Variants in PACS2 observed in about 807,000 individuals in gnomAD.
PACS2 encodes the protein phosphofurin acidic cluster sorting protein 2.
PACS2 carries 36 observed loss-of-function variants against 113.0 expected under a neutral mutation model. That is an observed-to-expected ratio of 0.32 (90% CI 0.24 to 0.42). PACS2 has a LOEUF of 0.42. Ranked by LOEUF, PACS2 falls within the 10% of genes least tolerant of loss-of-function variation. The probability of loss-of-function intolerance (pLI) is 1.00; values close to 1 mark genes in which losing one functional copy is unlikely to be tolerated. For synonymous variants in PACS2, 589 were observed against 536.1 expected (o/e 1.10, Z -1.36); for missense variants, 1,015 against 1,239.5 (o/e 0.82, Z 2.72).
chr14:105,308,521 C>T (rs1055252020), intron 1 of PACS2, among the ~76,000 whole-genome samples: 7 of 137,098 alleles, frequency 5.1e-5, no homozygotes, highest in African/African-American at 1.4e-4. Flanking sequence ...CTTGCTCTGT[C>T]GTCCGGGCTG....
In PACS2 at chr14:105,347,899, C is replaced by G. The variant is rs587733213; in HGVS notation, c.120-594C>G. Reference sequence around the variant, plus strand: ...AGAGTGGAGGGTAGGGTCTACACCCCTCCACTCCTCAGCAACAGAGCCCTG... The same window carrying G: ...AGAGTGGAGGGTAGGGTCTACACCCGTCCACTCCTCAGCAACAGAGCCCTG... On this transcript the variant is annotated intron_variant, in intron 1 of 24. Coordinates refer to ENST00000447393, the MANE Select transcript of PACS2 (RefSeq NM_001100913.3). Among the ~76,000 whole-genome samples, 10 of 152,182 alleles carry G rather than the reference C, an allele frequency of 6.6e-5. No individual in the cohort carries two copies. The South Asian group carries it at 2.1e-3, about 32-fold the overall frequency.
chr14:105,338,694 G>A (rs782732178), intron 1 of PACS2, among the ~76,000 whole-genome samples: 1 of 152,186 alleles, frequency 6.6e-6, no homozygotes, highest in Non-Finnish European at 1.5e-5. Context: ...TGTGACCTGC[G>A]TGACTGACCC....
intron 3 of PACS2, among the ~76,000 whole-genome samples, chr14:105,353,003 TC>T (rs2060271353): frequency 5.9e-5 from 1 of 16,850 alleles, no homozygotes; most frequent in African/African-American, 2.4e-4. Flanking sequence ...ACGGGCCCCC[TC>T]ATCACTGTCC....
intron 3 of PACS2, among the ~76,000 whole-genome samples, chr14:105,352,783 C>CT (rs2060246801): frequency 3.0e-5 from 4 of 132,656 alleles, no homozygotes; most frequent in Admixed American, 7.4e-5. Flanking sequence ...CAGGCCCTCC[C>CT]CATCACTGTT....
chr14:105,328,219 A>G (rs12101178), intron 1 of PACS2, among the ~76,000 whole-genome samples: 11,550 of 152,282 alleles, frequency 0.076, 1,496 homozygotes, highest in African/African-American at 0.26. Flanking sequence ...GGCTTATGCC[A>G]CACCCCCTGC....
rs372287094 is a variant in PACS2, at chr14:105,383,536, G to A, written c.1780+23G>A. The A allele has an allele frequency of 3.2e-6, 5 of 1,561,366 alleles. No individual in the cohort carries two copies. In the African/African-American group the frequency reaches 6.7e-5, roughly 21 times the overall value. On this transcript the variant is annotated intron_variant, in intron 16 of 24. Transcript: ENST00000447393. ...TGGGTGAGCACCACGCCGTCCACCT[G>A]GGCCTGGGCACAGATGCCACGGGCA... is the stretch of plus-strand genomic sequence containing the variant.
chr14:105,394,618 G>A lies in PACS2; in HGVS notation c.2661G>A (p.Ser887=), dbSNP rs782114007. ...KFFQLAAQWS[S]HVKHFPICIF... ...TCCAGCTGGCCGCGCAGTGGTCCTC[G>A]CACGTGAAGCACTTCCCCATCTGCA... The change falls in exon 25 of 25, where the codon TCG becomes TCA. Residue 887 remains serine (S), a synonymous_variant. Transcript: ENST00000447393. 1.4e-5 allele frequency: 22 copies of A among 1,613,444 alleles called. No individual in the cohort carries two copies. The East Asian group carries it at 2.0e-4, about 15-fold the overall frequency.
chr14:105,368,360 C>T, intron 6 of PACS2, 99 bp from the exon 7 acceptor site: 1 of 964,238 alleles, frequency 1.0e-6, no homozygotes, highest in Non-Finnish European at 1.7e-6. Context: ...GGTGGGCTCT[C>T]AGTGCCGGGC....
At chr14:105,334,597 C>G (rs2059436834) in intron 1 of PACS2, among the ~76,000 whole-genome samples, 1 of 152,148 alleles carries the variant, frequency 6.6e-6, no homozygotes, top group Admixed American at 6.5e-5. Flanking sequence ...AGAGCTCCAC[C>G]TGAGGCCCAG....
Position 105,305,946 on chromosome 14 carries a change from G to A in PACS2, c.-83+4967G>A, listed in dbSNP as rs141402842. On this transcript the variant is annotated intron_variant, in intron 1 of 23. Coordinates refer to the PACS2 transcript ENST00000430725. Reference sequence around the variant, plus strand: ...ACGCTGGAAACGTGCAGTGATCTCCGCTCTGGCTGTAAACAGGGAGAGGCT... The same window carrying A: ...ACGCTGGAAACGTGCAGTGATCTCCACTCTGGCTGTAAACAGGGAGAGGCT... Among the ~76,000 whole-genome samples, 22 of 152,382 alleles carry A rather than the reference G, an allele frequency of 1.4e-4. 1 individual carries two copies. The highest frequency in any genetic ancestry group is 5.0e-4 in the African/African-American group (21 of 41,600).
Position 105,324,163 on chromosome 14 carries a change from C to T in PACS2, c.119+9126C>T, listed in dbSNP as rs587653943. Reference sequence around the variant, plus strand: ...CTCTCTGCCCAGCATTCTCAGCATGCGTCTCAGGAAGGTTTGATGGAGTGG... The same window carrying T: ...CTCTCTGCCCAGCATTCTCAGCATGTGTCTCAGGAAGGTTTGATGGAGTGG... On this transcript the variant is annotated intron_variant, in intron 1 of 24. Transcript: ENST00000447393. This position sits in a 1 kb window ranked among gnomAD's most constrained non-coding sequence, Gnocchi z 4.7. Among the ~76,000 whole-genome samples, 7 of 152,288 alleles carry T rather than the reference C, an allele frequency of 4.6e-5. No homozygotes were observed. Among genetic ancestry groups the T allele is most frequent in the South Asian group, 4.1e-4 (2 of 4,828 alleles).
In PACS2 at chr14:105,392,743, A is replaced by G; in HGVS notation, c.2380A>G (p.Thr794Ala). The G allele has an allele frequency of 6.2e-7, 1 of 1,612,662 alleles. No individual in the cohort carries two copies. Among genetic ancestry groups the G allele is most frequent in the Non-Finnish European group, 8.5e-7 (1 of 1,179,984 alleles). ...TGTCACCAAAAACACGCTCAAGTGC[A>G]CTTTCCGGTCCCTCCAGGTCAGCAG... is the stretch of plus-strand genomic sequence containing the variant. ...LPVTKNTLKC[T>A]FRSLQVSRLP... Residue 794 changes from threonine (T) to alanine (A), a missense_variant, in exon 23 of 25, where the codon ACT becomes GCT. Physicochemically the swap from Thr to Ala is moderately conservative, Grantham distance 58 (BLOSUM62 0). This residue lies in a region of PACS2 where 859 missense variants were observed against 1,056.8 expected (regional missense o/e 0.81). Coordinates refer to ENST00000447393, the MANE Select transcript of PACS2 (RefSeq NM_001100913.3).
chr14:105,346,212 G>A (rs1380484519), intron 1 of PACS2, among the ~76,000 whole-genome samples: 1 of 152,074 alleles, frequency 6.6e-6, no homozygotes, highest in East Asian at 1.9e-4. Context: ...TTGGAACTCA[G>A]AAAAATAAAA....
chr14:105,365,516 A>G lies in PACS2; in HGVS notation c.424-1697A>G. Among the ~76,000 whole-genome samples, 1 of 152,100 alleles carries G rather than the reference A, an allele frequency of 6.6e-6. No individual in the cohort carries two copies. The highest frequency in any genetic ancestry group is 2.4e-5 in the African/African-American group (1 of 41,408). ...AGGGATCCCGGCAAAAGCATCTTTG[A>G]TAAGAGGCCCCATTCCTTCCTGCCC... On this transcript the variant is annotated intron_variant, in intron 4 of 24. Coordinates refer to ENST00000447393, the MANE Select transcript of PACS2 (RefSeq NM_001100913.3). This position sits in a 1 kb window ranked among gnomAD's most constrained non-coding sequence, Gnocchi z 5.1.
chr14:105,341,108 C>G (rs1346926945), intron 1 of PACS2, among the ~76,000 whole-genome samples: 2 of 152,394 alleles, frequency 1.3e-5, no homozygotes, highest in Non-Finnish European at 2.9e-5. Context: ...GGGGAGAGCA[C>G]ACAGTGCGTT....
rs1186596432 is a variant in PACS2 at position 105,348,085 on chromosome 14, G to A, written c.120-408G>A. Among the ~76,000 whole-genome samples, 1 of 152,172 alleles carries A rather than the reference G, an allele frequency of 6.6e-6. No homozygotes were observed. The highest frequency in any genetic ancestry group is 2.4e-5 in the African/African-American group (1 of 41,432). Reference sequence around the variant, plus strand: ...GGTGGGCAGGATTTGGGGCGGCTGGGCCTGGGGCTGGATAGGGCCGCGGGA... The same window carrying A: ...GGTGGGCAGGATTTGGGGCGGCTGGACCTGGGGCTGGATAGGGCCGCGGGA... On this transcript the variant is annotated intron_variant, in intron 1 of 24. Coordinates refer to ENST00000447393, the MANE Select transcript of PACS2 (RefSeq NM_001100913.3). The surrounding 1 kb of genome is among the most constrained non-coding windows in gnomAD (Gnocchi z 6.4).
upstream of PACS2, among the ~76,000 whole-genome samples, chr14:105,310,170 A>C (rs72711570): frequency 9.0e-3 from 1,364 of 152,090 alleles, 7 homozygotes; most frequent in Non-Finnish European, 0.014. Flanking sequence ...AGCTTCTCTA[A>C]CCATTTTCCA....
intron 1 of PACS2, among the ~76,000 whole-genome samples, chr14:105,322,978 C>T (rs2058956518): frequency 6.6e-6 from 1 of 152,200 alleles, no homozygotes; most frequent in Admixed American, 6.5e-5. Context: ...GTGCTCCTCC[C>T]ACAGGTCCAG....
At chr14:105,383,547 C>T in intron 16 of PACS2, 34 bp downstream of exon 16, 1 of 1,551,176 alleles carries the variant, frequency 6.4e-7, no homozygotes, top group Middle Eastern at 1.7e-4. Flanking sequence ...GGCCTGGGCA[C>T]AGATGCCACG....
Sources: gnomAD v4.1 joint callset for allele counts (sites outside exome capture counted in the v4.1 genomes callset) on GRCh38, gnomAD v4.1.1 for gene constraint, gnomAD v4.1.1 regional missense constraint, Gnocchi (gnomAD v3.1) non-coding constraint, MANE v1.5 for transcripts, NCBI Gene and HGNC (gene_info 2026-07-23, HGNC 2026-07-21) for gene names.